Variants in C11orf65 observed in about 807,000 individuals in gnomAD.
C11orf65 encodes chromosome 11 open reading frame 65.
Under a neutral mutation model 35.3 loss-of-function variants are expected in C11orf65, and 38 were observed. The ratio of observed to expected loss-of-function variants is 1.08; its 90% CI spans 0.83 to 1.41. The LOEUF (loss-of-function observed/expected upper bound fraction) is 1.41. C11orf65 is among the 40% of genes most tolerant of loss of function. The pLI, the probability that C11orf65 is intolerant of heterozygous loss-of-function variation, is 0.00. For missense variants in C11orf65, 370 were observed against 367.1 expected, an observed-to-expected ratio of 1.01 and a Z score of -0.06; for synonymous variants, 105 against 114.4, an observed-to-expected ratio of 0.92 and a Z score of 0.53.
At chr11:108,370,018 C>G (rs1591401549) in intron 2 of C11orf65, among the ~76,000 whole-genome samples, 1 of 152,080 alleles carries the variant, frequency 6.6e-6, no homozygotes, top group African/African-American at 2.4e-5. Context: ...TCTCTTCATT[C>G]TCTTAATGGA....
At chr11:108,325,586 T>G in intron 6 of C11orf65, 2 of 1,494,040 alleles carry the variant, frequency 1.3e-6, no homozygotes, top group Non-Finnish European at 1.8e-6. Context: ...CTCTTGACTT[T>G]CCTTTTATTA....
chr11:108,405,598 T>C (rs1167748619), intron 5 of C11orf65, 39 bp from the exon 6 acceptor site: 12 of 1,602,100 alleles, frequency 7.5e-6, no homozygotes, highest in Non-Finnish European at 1.0e-5. Context: ...AATGTTGAAA[T>C]ATCGATTGTG....
chr11:108,418,868 T>C (rs762793434), intron 3 of C11orf65, among the ~76,000 whole-genome samples: 6 of 152,126 alleles, frequency 3.9e-5, no homozygotes, highest in Admixed American at 6.5e-5. Context: ...TTATGAATAA[T>C]TTTAAGCTAA....
chr11:108,453,395 A>G (rs74890530), intron 2 of C11orf65, among the ~76,000 whole-genome samples: 1,678 of 152,238 alleles, frequency 0.011, 27 homozygotes, highest in African/African-American at 0.038. Flanking sequence ...CTTAAGCCCA[A>G]TGAATACAGT....
intron 2 of C11orf65, among the ~76,000 whole-genome samples, chr11:108,445,785 G>C (rs907182101): frequency 3.3e-5 from 5 of 152,216 alleles, no homozygotes; most frequent in Middle Eastern, 3.4e-3. Flanking sequence ...TGACTTTGAC[G>C]AGCTGAGAGA....
At chr11:108,410,459 T>A (rs1472709402) in intron 3 of C11orf65, among the ~76,000 whole-genome samples, 1 of 152,138 alleles carries the variant, frequency 6.6e-6, no homozygotes, top group Non-Finnish European at 1.5e-5. Context: ...ACTCAACTGA[T>A]CCTTCTACCT....
intron 2 of C11orf65, chr11:108,336,106 C>A: frequency 3.2e-6 from 2 of 624,948 alleles, no homozygotes; most frequent in South Asian, 1.8e-5. Flanking sequence ...AGACCAGCCT[C>A]AGCAACATAG....
intron 6 of C11orf65, chr11:108,319,809 A>G (rs2085059769): frequency 3.1e-6 from 2 of 640,378 alleles, no homozygotes; most frequent in Non-Finnish European, 5.5e-6. Context: ...TAAAATTTGT[A>G]TTTCTTACCA....
At chr11:108,324,268 A>G (rs2085444601) in intron 6 of C11orf65, among the ~76,000 whole-genome samples, 1 of 152,208 alleles carries the variant, frequency 6.6e-6, no homozygotes, top group South Asian at 2.1e-4. Context: ...GCCATTTTAA[A>G]TAAGGGACTT....
At chr11:108,467,091 TAAGG>T (rs1373545696) in intron 1 of C11orf65, among the ~76,000 whole-genome samples, 2 of 152,110 alleles carry the variant, frequency 1.3e-5, no homozygotes, top group African/African-American at 4.8e-5. Context: ...AGGAAAAATC[TAAGG>T]AAGATTAATG....
At chr11:108,324,173 G>A (rs2085435287) in intron 6 of C11orf65, among the ~76,000 whole-genome samples, 2 of 152,146 alleles carry the variant, frequency 1.3e-5, no homozygotes, top group East Asian at 3.9e-4. Flanking sequence ...CCTATTACAC[G>A]TAATCTAGAG....
chr11:108,412,875 A>G (rs2092681492), intron 3 of C11orf65, among the ~76,000 whole-genome samples: 1 of 152,252 alleles, frequency 6.6e-6, no homozygotes, highest in South Asian at 2.1e-4. Flanking sequence ...GGAGCATTAC[A>G]TGATGATAAT....
chr11:108,441,237 T>C (rs2093148740), intron 2 of C11orf65, among the ~76,000 whole-genome samples: 1 of 152,152 alleles, frequency 6.6e-6, no homozygotes, highest in African/African-American at 2.4e-5. Flanking sequence ...CACAGCAGTC[T>C]GAGATTGAAC....
intron 2 of C11orf65, chr11:108,367,218 AC>A (rs1039982925): frequency 2.2e-5 from 4 of 178,166 alleles, no homozygotes; most frequent in African/African-American, 9.5e-5. Flanking sequence ...CGATCGCTTG[AC>A]CTCGTGATCC....
At chr11:108,399,151 G>A (rs2092386432) in intron 6 of C11orf65, among the ~76,000 whole-genome samples, 1 of 151,992 alleles carries the variant, frequency 6.6e-6, no homozygotes, top group Non-Finnish European at 1.5e-5. Context: ...GGTGCCGGGG[G>A]AAAAAATGAC....
intron 2 of C11orf65, among the ~76,000 whole-genome samples, chr11:108,437,454 C>G (rs1454118622): frequency 6.6e-6 from 1 of 151,784 alleles, no homozygotes; most frequent in Non-Finnish European, 1.5e-5. Context: ...GCCTGTAATC[C>G]CAGCACTTTG....
At chr11:108,444,533 C>A (rs1483393814) in intron 2 of C11orf65, among the ~76,000 whole-genome samples, 1 of 152,094 alleles carries the variant, frequency 6.6e-6, no homozygotes, top group Non-Finnish European at 1.5e-5. Flanking sequence ...AATTTTAGAC[C>A]AATATCCCTG....
chr11:108,371,239 A>C (rs1042070273), intron 2 of C11orf65, among the ~76,000 whole-genome samples: 7 of 152,086 alleles, frequency 4.6e-5, no homozygotes, highest in Non-Finnish European at 1.0e-4. Context: ...AAAAACACCC[A>C]CACACACACA....
At position 108,418,640 on chromosome 11, in the gene C11orf65, G is replaced by T. The variant is rs148537821; in HGVS notation, c.175-11491C>A. Reference sequence around the variant, plus strand: ...CAGAATTCAAAGAAAATATAAAGAAGGAAATAATAAACAGCAGAAAATGAT... The same window carrying T: ...CAGAATTCAAAGAAAATATAAAGAATGAAATAATAAACAGCAGAAAATGAT... On this transcript the variant is annotated intron_variant, in intron 3 of 8. Transcript: ENST00000393084. 1.8e-3 allele frequency among the ~76,000 whole-genome samples: 266 copies of T among 151,534 alleles called. 1 individual carries two copies. The highest frequency in any genetic ancestry group is 6.2e-3 in the African/African-American group (258 of 41,306).
Sources: gnomAD v4.1 joint callset for allele counts (sites outside exome capture counted in the v4.1 genomes callset) on GRCh38, gnomAD v4.1.1 for gene constraint, MANE v1.5 for transcripts, NCBI Gene and HGNC (gene_info 2026-07-23, HGNC 2026-07-21) for gene names.